The following DCC variants were observed in gnomAD, a reference collection of about 807,000 sequenced individuals.
The protein encoded by DCC is DCC netrin 1 receptor.
A neutral mutation model predicts 172.5 loss-of-function variants in DCC; 58 were observed. That is an observed-to-expected ratio of 0.34 (90% CI 0.27 to 0.42). The LOEUF (loss-of-function observed/expected upper bound fraction) is 0.42. DCC is among the 10% of genes least tolerant of loss of function. DCC has a pLI of 1.00. For synonymous variants in DCC, 709 were observed against 644.5 expected, an observed-to-expected ratio of 1.10 and a Z score of -1.52; for missense variants, 1,740 against 1,791.0, an observed-to-expected ratio of 0.97 and a Z score of 0.51.
At chr18:52,960,964 A>G (rs192786800) in intron 5 of DCC, among the ~76,000 whole-genome samples, 40 of 152,290 alleles carry the variant, frequency 2.6e-4, no homozygotes, top group Non-Finnish European at 4.4e-4. Context: ...GAGCCGTACA[A>G]TTTCATTGCT....
chr18:53,528,052 T>A (rs1487441566), intron 28 of DCC, among the ~76,000 whole-genome samples: 2 of 152,022 alleles, frequency 1.3e-5, no homozygotes, highest in Admixed American at 1.3e-4. Flanking sequence ...AATAAATTTA[T>A]AACAATATCA....
chr18:53,292,123 C>G (rs886815785), intron 12 of DCC, among the ~76,000 whole-genome samples: 6 of 151,520 alleles, frequency 4.0e-5, no homozygotes, highest in Admixed American at 1.3e-4. Context: ...ACCCCCCCCC[C>G]CTTTTTTCCT....
intron 7 of DCC, among the ~76,000 whole-genome samples, chr18:53,152,318 A>G (rs1315772480): frequency 6.6e-6 from 1 of 152,190 alleles, no homozygotes; most frequent in Non-Finnish European, 1.5e-5. Context: ...TGGACTATCA[A>G]TAAGCTTAGA....
In DCC at chr18:53,512,120, C is replaced by T. The variant is rs534048650; in HGVS notation, c.4111+12610C>T. Among the ~76,000 whole-genome samples the T allele has an allele frequency of 5.9e-3, 897 of 152,222 alleles. 27 individuals are homozygous for T. In the East Asian group the frequency reaches 0.092, roughly 16 times the overall value. Reference sequence around the variant, plus strand: ...CAGCACGCAGCTGGAGATCTGAGAACGTGCAGACTGCCTCCTCAAGTGGAT... The same window carrying T: ...CAGCACGCAGCTGGAGATCTGAGAATGTGCAGACTGCCTCCTCAAGTGGAT... On this transcript the variant is annotated intron_variant, in intron 27 of 28. Transcript: ENST00000442544.
At chr18:53,445,294 T>C (rs1393491518) in intron 22 of DCC, among the ~76,000 whole-genome samples, 4 of 152,260 alleles carry the variant, frequency 2.6e-5, no homozygotes, top group Non-Finnish European at 4.4e-5. Context: ...CAAAGTGTTC[T>C]AATAATTATA....
intron 7 of DCC, among the ~76,000 whole-genome samples, chr18:53,146,933 G>C (rs1301207797): frequency 6.6e-6 from 1 of 151,964 alleles, no homozygotes; most frequent in East Asian, 1.9e-4. Flanking sequence ...TACATTTAAT[G>C]ATTTTTTTAA....
intron 15 of DCC, among the ~76,000 whole-genome samples, chr18:53,374,385 G>A (rs2058088794): frequency 6.6e-6 from 1 of 152,138 alleles, no homozygotes. Context: ...TGCACAAATA[G>A]ATGACATCCA....
intron 5 of DCC, among the ~76,000 whole-genome samples, chr18:53,047,256 AT>A (rs1568267826): frequency 9.1e-4 from 12 of 13,202 alleles, no homozygotes; most frequent in African/African-American, 6.5e-3. Context: ...ATATATATAT[AT>A]ATATATATAT....
At chr18:53,011,448 G>A (rs1178370467) in intron 5 of DCC, among the ~76,000 whole-genome samples, 1 of 151,316 alleles carries the variant, frequency 6.6e-6, no homozygotes, top group Non-Finnish European at 1.5e-5. Flanking sequence ...TATTTTTACT[G>A]ATTTTGCAAA....
intron 2 of DCC, among the ~76,000 whole-genome samples, chr18:52,875,590 T>C (rs914005865): frequency 6.6e-6 from 1 of 152,220 alleles, no homozygotes; most frequent in African/African-American, 2.4e-5. Context: ...TAGCATAAAA[T>C]ATTCATGCTG....
In DCC at chr18:52,964,092, T is replaced by C. The variant is rs547954013; in HGVS notation, c.985+38722T>C. ...ATAAGTACAGTTAGAGACAGGCATATTCAGAGGCTACAGAGCATAGAGAGA... is the reference window on the plus strand; with the variant it reads ...ATAAGTACAGTTAGAGACAGGCATACTCAGAGGCTACAGAGCATAGAGAGA... On this transcript the variant is annotated intron_variant, in intron 5 of 28. Transcript: ENST00000442544. Among the ~76,000 whole-genome samples the C allele has an allele frequency of 3.9e-5, 6 of 152,272 alleles. No homozygotes were observed. In the East Asian group the frequency reaches 1.2e-3, roughly 29 times the overall value.
At chr18:53,090,546 T>C (rs917569519) in intron 7 of DCC, among the ~76,000 whole-genome samples, 1 of 150,822 alleles carries the variant, frequency 6.6e-6, no homozygotes, top group Non-Finnish European at 1.5e-5. Flanking sequence ...ACAAAAAAAT[T>C]AGCCAGGTGT....
At chr18:52,870,078 C>T (rs2039294895) in intron 2 of DCC, among the ~76,000 whole-genome samples, 1 of 152,064 alleles carries the variant, frequency 6.6e-6, no homozygotes. Flanking sequence ...TTGGCCTAGC[C>T]CCATCACAGT....
chr18:52,963,555 A>C (rs116795712), intron 5 of DCC, among the ~76,000 whole-genome samples: 25 of 152,126 alleles, frequency 1.6e-4, no homozygotes, highest in Non-Finnish European at 3.4e-4. Context: ...CACACTGAGC[A>C]TGTGTCCTGG....
At chr18:52,546,818 T>C (rs1401484804) in intron 1 of DCC, among the ~76,000 whole-genome samples, 1 of 152,148 alleles carries the variant, frequency 6.6e-6, no homozygotes, top group Non-Finnish European at 1.5e-5. Flanking sequence ...TCTCATGCTC[T>C]GTAAACCTAT....
At chr18:53,407,279 T>G (rs887781656) in intron 19 of DCC, among the ~76,000 whole-genome samples, 1 of 151,882 alleles carries the variant, frequency 6.6e-6, no homozygotes, top group Non-Finnish European at 1.5e-5. Context: ...GTAAAACTTA[T>G]GTACTTACAG....
At chr18:53,064,613 A>C (rs778964068) in intron 6 of DCC, among the ~76,000 whole-genome samples, 1 of 152,172 alleles carries the variant, frequency 6.6e-6, no homozygotes, top group East Asian at 1.9e-4. Flanking sequence ...ATGTTGGCCT[A>C]CTATAAAGGT....
intron 1 of DCC, among the ~76,000 whole-genome samples, chr18:52,538,861 A>C (rs1364621578): frequency 1.3e-5 from 2 of 152,350 alleles, no homozygotes; most frequent in East Asian, 1.9e-4. Flanking sequence ...ACAAAATATC[A>C]GCCACAAAGT....
chr18:53,481,346 G>A (rs2045829584), intron 25 of DCC, among the ~76,000 whole-genome samples: 1 of 152,092 alleles, frequency 6.6e-6, no homozygotes, highest in East Asian at 1.9e-4. Context: ...TCAGCACTTA[G>A]GACTCTTTAC....
Sources: allele counts gnomAD v4.1 joint callset (sites outside exome capture counted in the v4.1 genomes callset), GRCh38; gene constraint gnomAD v4.1.1; transcripts MANE v1.5; gene names NCBI Gene and HGNC (gene_info 2026-07-23, HGNC 2026-07-21).